Variants in MAT1A observed in about 807,000 individuals in gnomAD.
MAT1A encodes S-adenosylmethionine synthase isoform type-1.
In MAT1A, 19 loss-of-function variants were observed where a neutral mutation model predicts 44.0. The observed-to-expected ratio is 0.43, with a 90% CI of 0.30 to 0.63. The LOEUF (loss-of-function observed/expected upper bound fraction) is 0.63, where lower values mean the gene tolerates loss of function less well. MAT1A is among the 30% of genes least tolerant of loss of function. MAT1A has a pLI of 0.12. For missense variants in MAT1A, 397 were observed against 531.0 expected, an observed-to-expected ratio of 0.75 and a Z score of 2.48; for synonymous variants, 205 against 205.6, an observed-to-expected ratio of 1.00 and a Z score of 0.03.
chr10:80,278,219 C>CA (rs1203175533), intron 5 of MAT1A, among the ~76,000 whole-genome samples: 14 of 152,214 alleles, frequency 9.2e-5, no homozygotes, highest in Middle Eastern at 3.2e-3. Flanking sequence ...ATTTTCGAGA[C>CA]AATCCTTCAA....
rs376861168 is a variant in MAT1A at position 80,283,879 on chromosome 10, A to T, written c.292+37T>A. On this transcript the variant is annotated intron_variant, in intron 3 of 8. Coordinates refer to ENST00000372213, the MANE Select transcript of MAT1A (RefSeq NM_000429.3). Reference sequence around the variant, plus strand: ...AGCACTGGGGTCTCTATCAGCAGAGAGCAACAGGGATTTCAGACCCGGAGG... The same window carrying T: ...AGCACTGGGGTCTCTATCAGCAGAGTGCAACAGGGATTTCAGACCCGGAGG... 5.1e-5 allele frequency: 83 copies of T among 1,612,870 alleles called. 2 individuals carry two copies. The Middle Eastern group carries it at 5.9e-4, about 11-fold the overall frequency.
At chr10:80,284,433 T>G (rs1841614593) in intron 2 of MAT1A, among the ~76,000 whole-genome samples, 1 of 152,152 alleles carries the variant, frequency 6.6e-6, no homozygotes, top group Non-Finnish European at 1.5e-5. Context: ...AAACCTCCAC[T>G]GCAGGCTTTA....
rs546147912 is a variant in MAT1A, at chr10:80,280,407, G to A, written c.406-91C>T. ...CCTGAAATCTCCCTGGTGTGTCCAC[G>A]TTGATTGGGTGCCTCCTCCATGGAG... is the stretch of plus-strand genomic sequence containing the variant. On this transcript the variant is annotated intron_variant, in intron 4 of 8. Coordinates refer to ENST00000372213, the MANE Select transcript of MAT1A (RefSeq NM_000429.3). The A allele has an allele frequency of 9.0e-5, 135 of 1,497,254 alleles. No homozygotes were observed. The Middle Eastern group carries it at 9.5e-4, about 11-fold the overall frequency. The allele number at this position is 1,497,254 out of a possible 1,614,324, so 92.7% of individuals were successfully genotyped here.
intron 5 of MAT1A, 140 bp from the exon 6 acceptor site, chr10:80,276,734 G>A: frequency 3.7e-6 from 3 of 815,748 alleles, no homozygotes; most frequent in Non-Finnish European, 6.3e-6. Flanking sequence ...GGGTGTTGGG[G>A]GAGTTAATCT....
Position 80,276,505 on chromosome 10 carries a change from G to T in MAT1A, c.639C>A (p.Ile213=), listed in dbSNP as rs758760725. 2 of 1,614,184 alleles carry T rather than the reference G, an allele frequency of 1.2e-6. No individual in the cohort carries two copies. Among genetic ancestry groups the T allele is most frequent in the Admixed American group, 3.3e-5 (2 of 60,030 alleles). ...GGGCCCTGCGCATCTCCTCCAGCGT[G>T]ATGTCTTCGTTGTGCTGCACAGAGA... ...IVISVQHNED[I]TLEEMRRALK... Residue 213 remains isoleucine, a synonymous_variant, in exon 6 of 9, where the codon ATC becomes ATA. Transcript: ENST00000372213.
intron 5 of MAT1A, among the ~76,000 whole-genome samples, chr10:80,278,239 A>G (rs145929713): frequency 6.6e-6 from 1 of 152,254 alleles, no homozygotes; most frequent in East Asian, 1.9e-4. Flanking sequence ...AAGGAAGGGA[A>G]CCCCTAAAAG....
At chr10:80,283,765 A>G in intron 3 of MAT1A, 151 bp downstream of exon 3, 1 of 1,214,744 alleles carries the variant, frequency 8.2e-7, no homozygotes, top group Non-Finnish European at 1.2e-6. Flanking sequence ...AGAGTCTTTG[A>G]CCCCTGGAAC....
Position 80,284,090 on chromosome 10 carries a change from G to A in MAT1A, c.170-52C>T, listed in dbSNP as rs770022207. 46 of 1,603,492 alleles carry A rather than the reference G, an allele frequency of 2.9e-5. 3 individuals carry two copies. In the South Asian group the frequency reaches 3.8e-4, roughly 13 times the overall value. Reference sequence around the variant, plus strand: ...GTTAGCAGCCAAGTGCCAGCAAAGGGAAGCTCACATTCCCAGACCTCTCAC... The same window carrying A: ...GTTAGCAGCCAAGTGCCAGCAAAGGAAAGCTCACATTCCCAGACCTCTCAC... On this transcript the variant is annotated intron_variant, in intron 2 of 8. Transcript: ENST00000372213.
At chr10:80,280,073 G>A in intron 5 of MAT1A, 100 bp downstream of exon 5, 3 of 1,409,702 alleles carry the variant, frequency 2.1e-6, no homozygotes, top group Non-Finnish European at 3.0e-6. Context: ...TGCCCAGATT[G>A]AATATTTCGA....
chr10:80,280,455 G>A (rs989090443), intron 4 of MAT1A, 139 bp from the exon 5 acceptor site: 1 of 1,175,442 alleles, frequency 8.5e-7, no homozygotes, highest in Non-Finnish European at 1.2e-6. Flanking sequence ...ATGTGCAGGG[G>A]AAGGACGTCA....
chr10:80,286,678 G>T (rs1019852484), intron 1 of MAT1A, among the ~76,000 whole-genome samples: 2 of 152,080 alleles, frequency 1.3e-5, no homozygotes, highest in African/African-American at 4.8e-5. Context: ...CTTGCTTTGG[G>T]GTTATGCAAA....
chr10:80,274,891 A>G (rs1841462226), intron 7 of MAT1A, 126 bp downstream of exon 7: 1 of 1,311,422 alleles, frequency 7.6e-7, no homozygotes, highest in African/African-American at 1.5e-5. Context: ...GCCCAACACA[A>G]TCACACAATC....
intron 5 of MAT1A, among the ~76,000 whole-genome samples, chr10:80,279,797 GACAA>G (rs1841536899): frequency 1.3e-5 from 2 of 152,032 alleles, no homozygotes; most frequent in African/African-American, 2.4e-5. Context: ...AGCACAGACA[GACAA>G]CACAGACACA....
intron 5 of MAT1A, among the ~76,000 whole-genome samples, chr10:80,276,950 T>C (rs1841496857): frequency 6.6e-6 from 1 of 152,164 alleles, no homozygotes; most frequent in African/African-American, 2.4e-5. Context: ...TTCTTGACCC[T>C]CTATAGCCCA....
chr10:80,277,936 G>A (rs541035256), intron 5 of MAT1A, among the ~76,000 whole-genome samples: 1 of 152,356 alleles, frequency 6.6e-6, no homozygotes, highest in South Asian at 2.1e-4. Flanking sequence ...ATTTGTTCAG[G>A]TGGAAAGACC....
chr10:80,276,283 T>C (rs1452118045), intron 6 of MAT1A, 93 bp downstream of exon 6: 17 of 1,333,442 alleles, frequency 1.3e-5, no homozygotes, highest in Non-Finnish European at 1.8e-5. Flanking sequence ...GCTGACCCCC[T>C]CCAAGCTATC....
At chr10:80,277,537 C>T (rs1841507231) in intron 5 of MAT1A, among the ~76,000 whole-genome samples, 1 of 152,166 alleles carries the variant, frequency 6.6e-6, no homozygotes, top group African/African-American at 2.4e-5. Context: ...GAGAGAAGTC[C>T]TCAAATGCCA....
At position 80,280,675 on chromosome 10, in the gene MAT1A, G is replaced by A. The variant is rs1841554687; in HGVS notation, c.405+5C>T. The A allele has an allele frequency of 1.9e-6, 3 of 1,611,752 alleles. No homozygotes were observed. In the East Asian group the frequency reaches 6.7e-5, roughly 36 times the overall value. Reference sequence around the variant, plus strand: ...ACACAGCTCCCACATGCAGTGCCGAGCTACCTGATCTCCTGCCCCCACATC... The same window carrying A: ...ACACAGCTCCCACATGCAGTGCCGAACTACCTGATCTCCTGCCCCCACATC... On this transcript the variant is annotated splice_donor_5th_base_variant and intron_variant, in intron 4 of 8. Transcript: ENST00000372213.
chr10:80,278,156 C>T (rs929593094), intron 5 of MAT1A, among the ~76,000 whole-genome samples: 1 of 152,202 alleles, frequency 6.6e-6, no homozygotes, highest in African/African-American at 2.4e-5. Flanking sequence ...GGAGCTGGCC[C>T]GCGGTCCTGC....
Sources: gnomAD v4.1 joint callset for allele counts (sites outside exome capture counted in the v4.1 genomes callset) on GRCh38, gnomAD v4.1.1 for gene constraint, MANE v1.5 for transcripts, NCBI Gene and HGNC (gene_info 2026-07-23, HGNC 2026-07-21) for gene names.